LRFN5: variants seen among roughly 807,000 people sequenced by gnomAD.
LRFN5 encodes leucine-rich repeat and fibronectin type-III domain-containing protein 5.
In LRFN5, 24 loss-of-function variants were observed where a neutral mutation model predicts 45.6. That is an observed-to-expected ratio of 0.53 (90% CI 0.38 to 0.74). The LOEUF is 0.74. LRFN5 is among the 30% of genes least tolerant of loss of function. The pLI is 0.00. For synonymous variants in LRFN5, 340 were observed against 313.8 expected, an observed-to-expected ratio of 1.08 and a Z score of -0.88; for missense variants, 776 against 861.5, an observed-to-expected ratio of 0.90 and a Z score of 1.24.
At chr14:41,817,878 C>CTATA (rs1258716882) in intron 2 of LRFN5, among the ~76,000 whole-genome samples, 3 of 152,060 alleles carry the variant, frequency 2.0e-5, no homozygotes, top group African/African-American at 7.2e-5. Context: ...TGAGGTTTTC[C>CTATA]TATATAGATA....
At chr14:41,841,240 A>T (rs1475452524) in intron 2 of LRFN5, among the ~76,000 whole-genome samples, 1 of 151,952 alleles carries the variant, frequency 6.6e-6, no homozygotes, top group South Asian at 2.1e-4. Context: ...TAAGGACATT[A>T]TCTGTTACTA....
intron 2 of LRFN5, among the ~76,000 whole-genome samples, chr14:41,829,367 A>C (rs1888401984): frequency 6.6e-6 from 1 of 151,952 alleles, no homozygotes; most frequent in Non-Finnish European, 1.5e-5. Flanking sequence ...ATCCACAAAA[A>C]ACTCATATCT....
chr14:41,610,128 C>A (rs1302943242), intron 1 of LRFN5: 1 of 152,670 alleles, frequency 6.6e-6, no homozygotes, highest in Admixed American at 6.5e-5. Flanking sequence ...GCTCAGCGGA[C>A]CCCCTGGCAG....
chr14:41,738,615 A>C (rs1033999124), intron 1 of LRFN5, among the ~76,000 whole-genome samples: 1 of 152,096 alleles, frequency 6.6e-6, no homozygotes, highest in African/African-American at 2.4e-5. Context: ...TCTGGCCTGC[A>C]AGCTTTCTGC....
chr14:41,720,800 A>C (rs537440860), intron 1 of LRFN5, among the ~76,000 whole-genome samples: 1 of 152,208 alleles, frequency 6.6e-6, no homozygotes, highest in East Asian at 1.9e-4. Context: ...TTTATGGCCA[A>C]ACATAATGTT....
intron 2 of LRFN5, among the ~76,000 whole-genome samples, chr14:41,779,461 TTTA>T (rs994567062): frequency 2.0e-5 from 3 of 151,932 alleles, no homozygotes; most frequent in African/African-American, 7.2e-5. Flanking sequence ...TTTATCTGTT[TTTA>T]TTATTAGGCT....
At chr14:41,775,922 G>A (rs1484197407) in intron 2 of LRFN5, among the ~76,000 whole-genome samples, 1 of 152,174 alleles carries the variant, frequency 6.6e-6, no homozygotes, top group Non-Finnish European at 1.5e-5. Flanking sequence ...TTACTAAAAA[G>A]TGGTTCTAAA....
chr14:41,835,005 CA>C (rs1888612559), intron 2 of LRFN5, among the ~76,000 whole-genome samples: 2 of 107,488 alleles, frequency 1.9e-5, no homozygotes, highest in South Asian at 5.4e-4. Context: ...AATTTCAGAA[CA>C]AATTAAAAAA....
At chr14:41,854,492 C>T (rs1889385324) in intron 2 of LRFN5, among the ~76,000 whole-genome samples, 1 of 151,502 alleles carries the variant, frequency 6.6e-6, no homozygotes, top group Non-Finnish European at 1.5e-5. Context: ...CACATGTACC[C>T]TAGAACTTAA....
intron 2 of LRFN5, among the ~76,000 whole-genome samples, chr14:41,813,763 G>A (rs1246247821): frequency 4.6e-5 from 7 of 152,112 alleles, no homozygotes; most frequent in African/African-American, 1.4e-4. Flanking sequence ...TTGAGGAATC[G>A]CTACACTGTC....
At chr14:41,609,624 G>GAATTAA (rs1887652441) in intron 1 of LRFN5, among the ~76,000 whole-genome samples, 2 of 152,106 alleles carry the variant, frequency 1.3e-5, no homozygotes, top group South Asian at 4.1e-4. Flanking sequence ...ACAAGATAAA[G>GAATTAA]CACTTCCAAA....
At chr14:41,827,058 T>C (rs1201709425) in intron 2 of LRFN5, among the ~76,000 whole-genome samples, 1 of 152,046 alleles carries the variant, frequency 6.6e-6, no homozygotes, top group East Asian at 1.9e-4. Context: ...TGAATTAACC[T>C]TACCTAATTC....
chr14:41,792,697 T>A lies in LRFN5; in HGVS notation c.-21+25668T>A, dbSNP rs552385466. On this transcript the variant is annotated intron_variant, in intron 2 of 5. Transcript: ENST00000298119. ...CAGACCTTAGGGTTGTCTTCCCTTGTTCCCTAAAAATCACTATTATTCTGT... is the reference window on the plus strand; with the variant it reads ...CAGACCTTAGGGTTGTCTTCCCTTGATCCCTAAAAATCACTATTATTCTGT... Among the ~76,000 whole-genome samples the A allele has an allele frequency of 4.6e-5, 7 of 152,112 alleles. No homozygotes were observed. In the East Asian group the frequency reaches 1.4e-3, roughly 30 times the overall value.
At chr14:41,720,542 A>T (rs937594752) in intron 1 of LRFN5, among the ~76,000 whole-genome samples, 29 of 152,190 alleles carry the variant, frequency 1.9e-4, no homozygotes, top group African/African-American at 7.0e-4. Context: ...TCCTCTTAAC[A>T]CTGCTTTCAC....
At chr14:41,688,710 C>T (rs1160916942) in intron 1 of LRFN5, among the ~76,000 whole-genome samples, 1 of 151,072 alleles carries the variant, frequency 6.6e-6, no homozygotes, top group East Asian at 1.9e-4. Flanking sequence ...CCATGAGATA[C>T]CAAAATTTAT....
At chr14:41,837,716 T>G (rs1415970150) in intron 2 of LRFN5, among the ~76,000 whole-genome samples, 1 of 152,188 alleles carries the variant, frequency 6.6e-6, no homozygotes, top group East Asian at 1.9e-4. Context: ...TTCCTGCATG[T>G]GCAAGCTCTC....
At position 41,891,314 on chromosome 14, in the gene LRFN5, T is replaced by A; in HGVS notation, c.1450T>A (p.Leu484Met). Residue 484 changes from leucine to methionine, a missense_variant, in exon 4 of 6, where the codon TTG (leucine) becomes ATG (methionine). Leu to Met is a conservative substitution (Grantham distance 15, BLOSUM62 2). Coordinates refer to ENST00000298119, the MANE Select transcript of LRFN5 (RefSeq NM_152447.5). ...NNLAAGTMYD[L>M]CVLAIYDDGI... Reference sequence around the variant, plus strand: ...TCTGGCTGCTGGAACTATGTATGACTTGTGTGTCTTGGCCATATATGATGA... The same window carrying A: ...TCTGGCTGCTGGAACTATGTATGACATGTGTGTCTTGGCCATATATGATGA... 6.2e-7 allele frequency: 1 copy of A among 1,614,118 alleles called. No individual in the cohort carries two copies. Among genetic ancestry groups the A allele is most frequent in the Non-Finnish European group, 8.5e-7 (1 of 1,179,998 alleles).
At chr14:41,642,986 C>T (rs962312590) in intron 1 of LRFN5, among the ~76,000 whole-genome samples, 3 of 151,954 alleles carry the variant, frequency 2.0e-5, no homozygotes, top group Non-Finnish European at 2.9e-5. Flanking sequence ...TATCTTAGCG[C>T]AAGTAATAAA....
intron 1 of LRFN5, among the ~76,000 whole-genome samples, chr14:41,664,514 A>C (rs1197955628): frequency 6.6e-6 from 1 of 151,736 alleles, no homozygotes; most frequent in Non-Finnish European, 1.5e-5. Context: ...TTTTCTTTCT[A>C]GGCTGGGCAG....
Sources: gnomAD v4.1 joint callset for allele counts (sites outside exome capture counted in the v4.1 genomes callset) on GRCh38, gnomAD v4.1.1 for gene constraint, MANE v1.5 for transcripts, NCBI Gene and HGNC (gene_info 2026-07-23, HGNC 2026-07-21) for gene names.